Variants in MACROD2 observed in about 807,000 individuals in gnomAD.
The protein encoded by MACROD2 is mono-ADP ribosylhydrolase 2, also known as ADP-ribose glycohydrolase MACROD2.
Under a neutral mutation model 70.4 loss-of-function variants are expected in MACROD2, and 36 were observed. The ratio of observed to expected loss-of-function variants is 0.51; its 90% CI spans 0.39 to 0.68. MACROD2 has a LOEUF of 0.68. MACROD2 is among the 30% of genes least tolerant of loss of function. MACROD2 has a pLI of 0.00. For missense variants in MACROD2, 496 were observed against 538.4 expected, an observed-to-expected ratio of 0.92 and a Z score of 0.78; for synonymous variants, 172 against 178.8, an observed-to-expected ratio of 0.96 and a Z score of 0.30.
At chr20:15,053,220 T>C (rs774830691) in intron 5 of MACROD2, among the ~76,000 whole-genome samples, 9 of 152,224 alleles carry the variant, frequency 5.9e-5, no homozygotes, top group Non-Finnish European at 8.8e-5. Context: ...AATTTACTGA[T>C]GAGCGTGGCT....
chr20:15,749,802 A>G (rs1266769898), intron 8 of MACROD2, among the ~76,000 whole-genome samples: 4 of 152,102 alleles, frequency 2.6e-5, no homozygotes, highest in Non-Finnish European at 5.9e-5. Flanking sequence ...GACTATCGAA[A>G]GGCAGAAGAA....
chr20:15,592,373 T>C (rs1303438212), intron 8 of MACROD2, among the ~76,000 whole-genome samples: 1 of 152,214 alleles, frequency 6.6e-6, no homozygotes, highest in Non-Finnish European at 1.5e-5. Flanking sequence ...AGAAGAGCAT[T>C]GAGAAGAGCT....
At chr20:15,969,313 A>C (rs1315182568) in intron 13 of MACROD2, among the ~76,000 whole-genome samples, 4 of 152,176 alleles carry the variant, frequency 2.6e-5, no homozygotes, top group African/African-American at 9.7e-5. Flanking sequence ...GCACACACAT[A>C]AAAAATACCC....
intron 6 of MACROD2, among the ~76,000 whole-genome samples, chr20:15,307,785 A>C (rs1011704300): frequency 6.6e-6 from 1 of 152,168 alleles, no homozygotes; most frequent in Non-Finnish European, 1.5e-5. Context: ...ACAAGATAAC[A>C]TATTACATTT....
intron 5 of MACROD2, among the ~76,000 whole-genome samples, chr20:14,860,378 T>G (rs934604730): frequency 6.6e-6 from 1 of 151,738 alleles, no homozygotes; most frequent in East Asian, 1.9e-4. Flanking sequence ...GCAATCTGTG[T>G]GATAATTCTA....
At chr20:14,820,809 G>A (rs200514870) in intron 5 of MACROD2, among the ~76,000 whole-genome samples, 2 of 152,026 alleles carry the variant, frequency 1.3e-5, no homozygotes, top group East Asian at 3.9e-4. Context: ...GCGCTGCTGT[G>A]TTTTTGTTCT....
At chr20:16,019,326 G>A (rs1280694812) in intron 15 of MACROD2, among the ~76,000 whole-genome samples, 1 of 152,208 alleles carries the variant, frequency 6.6e-6, no homozygotes, top group Non-Finnish European at 1.5e-5. Flanking sequence ...CATCTGAGGA[G>A]CCACACTGGT....
chr20:15,137,372 T>C (rs1225015828), intron 5 of MACROD2, among the ~76,000 whole-genome samples: 2 of 151,904 alleles, frequency 1.3e-5, no homozygotes, highest in Admixed American at 6.6e-5. Context: ...TGGAATACTA[T>C]GCAGCCATAA....
intron 3 of MACROD2, among the ~76,000 whole-genome samples, chr20:14,468,519 G>GT (rs36059989): frequency 6.7e-6 from 1 of 149,354 alleles, no homozygotes; most frequent in Non-Finnish European, 1.5e-5. Flanking sequence ...CTTTTTTTGG[G>GT]GGGGGGCGTT....
In MACROD2 at chr20:14,366,288, G is replaced by A. The variant is rs73266982; in HGVS notation, c.272-127191G>A. The stretch of plus-strand genomic sequence containing the variant: ...TATATATTTGGTTCTCTATTATTAG[G>A]TGCATATATATTTGTAATTTTTTTA... On this transcript the variant is annotated intron_variant, in intron 3 of 17. Transcript: ENST00000684519. Among the ~76,000 whole-genome samples, 969 of 151,504 alleles carry A rather than the reference G, an allele frequency of 6.4e-3. 11 individuals are homozygous for A. Among genetic ancestry groups the A allele is most frequent in the African/African-American group, 0.022 (890 of 41,322 alleles).
chr20:14,211,185 T>A (rs1163769861), intron 3 of MACROD2, among the ~76,000 whole-genome samples: 1 of 152,204 alleles, frequency 6.6e-6, no homozygotes, highest in Non-Finnish European at 1.5e-5. Flanking sequence ...AGAAGAGTGG[T>A]TAGCAATTGA....
intron 4 of MACROD2, among the ~76,000 whole-genome samples, chr20:14,518,776 A>G (rs1385007242): frequency 1.3e-5 from 2 of 152,170 alleles, no homozygotes; most frequent in Non-Finnish European, 2.9e-5. Flanking sequence ...ATAAGACTAA[A>G]GTGTTTATAT....
chr20:15,662,630 G>A (rs1190643013), intron 8 of MACROD2, among the ~76,000 whole-genome samples: 2 of 151,580 alleles, frequency 1.3e-5, no homozygotes, highest in Admixed American at 6.6e-5. Context: ...ATATGCCTTT[G>A]TTTAGCAAAG....
At chr20:15,888,433 G>A (rs1042331229) in intron 10 of MACROD2, among the ~76,000 whole-genome samples, 5 of 152,054 alleles carry the variant, frequency 3.3e-5, no homozygotes, top group Non-Finnish European at 5.9e-5. Context: ...TCAAGCACCC[G>A]GTATAAGGGC....
chr20:15,356,081 G>T (rs1011699429), intron 6 of MACROD2, among the ~76,000 whole-genome samples: 7 of 148,904 alleles, frequency 4.7e-5, no homozygotes, highest in East Asian at 3.9e-4. Context: ...ATCACTCTTG[G>T]TTTTTTTTTT....
chr20:15,572,201 G>T (rs1352486258), intron 8 of MACROD2, among the ~76,000 whole-genome samples: 1 of 151,980 alleles, frequency 6.6e-6, no homozygotes, highest in Non-Finnish European at 1.5e-5. Flanking sequence ...CAGGTAAGGG[G>T]AAGGGTATGT....
chr20:14,425,711 C>G (rs1035514267), intron 3 of MACROD2, among the ~76,000 whole-genome samples: 4 of 152,154 alleles, frequency 2.6e-5, no homozygotes, highest in African/African-American at 9.7e-5. Context: ...TTTGTATCAA[C>G]TGTCATCATC....
At chr20:14,262,819 T>C (rs577397011) in intron 3 of MACROD2, among the ~76,000 whole-genome samples, 3 of 152,334 alleles carry the variant, frequency 2.0e-5, no homozygotes, top group African/African-American at 7.2e-5. Context: ...ATATTTATAT[T>C]CATCCAAGAG....
chr20:15,997,343 A>T (rs1235081909), intron 15 of MACROD2, among the ~76,000 whole-genome samples: 6 of 152,166 alleles, frequency 3.9e-5, no homozygotes, highest in African/African-American at 1.4e-4. Flanking sequence ...AGTATGGAAT[A>T]TCTTTACATT....
Sources: allele counts gnomAD v4.1 joint callset (sites outside exome capture counted in the v4.1 genomes callset), GRCh38; gene constraint gnomAD v4.1.1; transcripts MANE v1.5; gene names NCBI Gene and HGNC (gene_info 2026-07-23, HGNC 2026-07-21).